Variants in STXBP5L observed in about 807,000 individuals in gnomAD.
STXBP5L encodes syntaxin binding protein 5L.
A neutral mutation model predicts 144.5 loss-of-function variants in STXBP5L; 65 were observed. That is an observed-to-expected ratio of 0.45 (90% CI 0.37 to 0.55). STXBP5L has a LOEUF of 0.55. STXBP5L is among the 20% of genes least tolerant of loss of function. The probability of loss-of-function intolerance (pLI) is 0.00; values close to 1 mark genes in which losing one functional copy is unlikely to be tolerated. For missense variants in STXBP5L, 1,298 were observed against 1,405.5 expected (o/e 0.92, Z 1.22); for synonymous variants, 505 against 469.6 (o/e 1.08, Z -0.97).
intron 20 of STXBP5L, among the ~76,000 whole-genome samples, chr3:121,337,887 T>C (rs752115974): frequency 1.2e-4 from 18 of 152,204 alleles, no homozygotes; most frequent in South Asian, 2.1e-4. Context: ...ATAAAACCAA[T>C]AATTAACACC....
intron 19 of STXBP5L, among the ~76,000 whole-genome samples, chr3:121,302,377 A>C (rs984703249): frequency 2.6e-5 from 4 of 151,962 alleles, no homozygotes; most frequent in African/African-American, 9.7e-5. Flanking sequence ...TTTCTGTGGG[A>C]TTGGTGGTGA....
At chr3:121,210,512 A>G (rs2048519173) in intron 10 of STXBP5L, among the ~76,000 whole-genome samples, 2 of 152,140 alleles carry the variant, frequency 1.3e-5, no homozygotes, top group African/African-American at 4.8e-5. Context: ...GCCCCTGCCT[A>G]TGTCCTGCAT....
rs1454673258 is a variant in STXBP5L, at chr3:121,421,601, T to G, written c.*2504T>G. ...AAAACTGTACAATAAGTATACAATG[T>G]CTTAGCAAGATAAATTATTATACCC... On this transcript the variant is annotated 3_prime_UTR_variant, in exon 27 of 27. Coordinates refer to ENST00000471454, the MANE Select transcript of STXBP5L (RefSeq NM_001308330.2). 1.3e-5 allele frequency: 2 copies of G among 152,246 alleles called. No homozygotes were observed. The highest frequency in any genetic ancestry group is 2.9e-5 in the Non-Finnish European group (2 of 68,044). The allele number at this position is 152,246 out of a possible 1,614,324, so 9.4% of individuals were successfully genotyped here. A position where few individuals can be genotyped will look rare whatever the true frequency, so the allele number is the denominator to read the frequency against.
rs1411635797 is a variant in STXBP5L, at chr3:121,421,833, A to C, written c.*2736A>C. 2 of 152,212 alleles carry C rather than the reference A, an allele frequency of 1.3e-5. No individual in the cohort carries two copies. Among genetic ancestry groups the C allele is most frequent in the Non-Finnish European group, 2.9e-5 (2 of 68,046 alleles). 9.4% of individuals were successfully genotyped at this position (152,212 alleles called of 1,614,324 possible). A position where few individuals can be genotyped will look rare whatever the true frequency, so the allele number is the denominator to read the frequency against. ...TATAATTAGCACACCAATTGGAAGTAAACAGGTGCTTCTCAAATGCTTGAA... is the reference window on the plus strand; with the variant it reads ...TATAATTAGCACACCAATTGGAAGTCAACAGGTGCTTCTCAAATGCTTGAA... On this transcript the variant is annotated 3_prime_UTR_variant, in exon 27 of 27. Transcript: ENST00000471454.
intron 20 of STXBP5L, among the ~76,000 whole-genome samples, chr3:121,353,999 A>G (rs1183879444): frequency 6.6e-6 from 1 of 152,160 alleles, no homozygotes; most frequent in Non-Finnish European, 1.5e-5. Context: ...GTTTTGAGTG[A>G]GTTTCTTAAT....
chr3:121,152,472 T>C lies in STXBP5L; in HGVS notation c.670-5T>C. The C allele has an allele frequency of 6.3e-7, 1 of 1,589,086 alleles. No homozygotes were observed. Among genetic ancestry groups the C allele is most frequent in the Non-Finnish European group, 8.6e-7 (1 of 1,166,906 alleles). On this transcript the variant is annotated splice_region_variant and splice_polypyrimidine_tract_variant and intron_variant, in intron 7 of 26. Coordinates refer to ENST00000471454, the MANE Select transcript of STXBP5L (RefSeq NM_001308330.2). ...TAAGAAAATGATTGTTCTAATGTTT[T>C]CCAGCTGCTAATAGGTTATGAAAAT...
intron 3 of STXBP5L, among the ~76,000 whole-genome samples, chr3:120,977,671 A>G (rs931120893): frequency 1.1e-4 from 16 of 152,104 alleles, no homozygotes; most frequent in Non-Finnish European, 2.4e-4. Flanking sequence ...ATGATTTTGC[A>G]GTGGCTGGTA....
At chr3:120,962,414 CA>C in intron 3 of STXBP5L, among the ~76,000 whole-genome samples, 1 of 152,166 alleles carries the variant, frequency 6.6e-6, no homozygotes, top group African/African-American at 2.4e-5. Context: ...TTTTAGGTCT[CA>C]CATGTAATTC....
In STXBP5L at chr3:121,238,944, C is replaced by T. The variant is rs2108330167; in HGVS notation, c.1185-27C>T. On this transcript the variant is annotated intron_variant, in intron 12 of 26. Transcript: ENST00000471454. ...TTCTGTTTTTTTCTTTGTAAAATAA[C>T]ACTGATATATTGTCTTTATCTATTA... is the stretch of plus-strand genomic sequence containing the variant. The T allele has an allele frequency of 2.0e-6, 3 of 1,507,286 alleles. No homozygotes were observed. In the East Asian group the frequency reaches 7.2e-5, roughly 36 times the overall value. The allele number at this position is 1,507,286 out of a possible 1,614,324, so 93.4% of individuals were successfully genotyped here.
intron 20 of STXBP5L, among the ~76,000 whole-genome samples, chr3:121,350,456 G>C (rs1438838080): frequency 6.6e-6 from 1 of 152,078 alleles, no homozygotes; most frequent in Non-Finnish European, 1.5e-5. Context: ...CTCTTCTCGA[G>C]GAGTATCTTT....
intron 3 of STXBP5L, among the ~76,000 whole-genome samples, chr3:120,966,062 G>A (rs962760118): frequency 6.6e-6 from 1 of 151,806 alleles, no homozygotes; most frequent in Non-Finnish European, 1.5e-5. Flanking sequence ...TCTTCCACTT[G>A]ATCGAATCAG....
chr3:121,414,241 G>A (rs956986639), intron 24 of STXBP5L, among the ~76,000 whole-genome samples: 2 of 152,116 alleles, frequency 1.3e-5, no homozygotes, highest in Non-Finnish European at 2.9e-5. Context: ...CTAGTGTGGA[G>A]AGACAGAAGT....
At chr3:121,351,279 T>C (rs1267334982) in intron 20 of STXBP5L, among the ~76,000 whole-genome samples, 1 of 152,126 alleles carries the variant, frequency 6.6e-6, no homozygotes, top group African/African-American at 2.4e-5. Context: ...CAGCGGATAT[T>C]GGTGAACAGC....
intron 5 of STXBP5L, among the ~76,000 whole-genome samples, chr3:121,064,543 G>C (rs909610052): frequency 6.6e-6 from 1 of 152,202 alleles, no homozygotes; most frequent in Non-Finnish European, 1.5e-5. Context: ...GAACTGACAT[G>C]ACTGTGGGAG....
chr3:121,028,293 C>T (rs1025472434), intron 3 of STXBP5L, among the ~76,000 whole-genome samples: 2 of 151,934 alleles, frequency 1.3e-5, no homozygotes, highest in Non-Finnish European at 2.9e-5. Context: ...CTTTTTCAGG[C>T]TATAGCAGAA....
chr3:121,385,464 T>G (rs1466003682), intron 22 of STXBP5L, among the ~76,000 whole-genome samples: 1 of 152,200 alleles, frequency 6.6e-6, no homozygotes, highest in East Asian at 1.9e-4. Context: ...CCTCATGATC[T>G]AATACGTCCC....
At chr3:121,411,798 C>A (rs933963662) in intron 23 of STXBP5L, among the ~76,000 whole-genome samples, 5 of 152,094 alleles carry the variant, frequency 3.3e-5, no homozygotes, top group Admixed American at 6.6e-5. Flanking sequence ...AAAACCACTT[C>A]ATTTCCAGGC....
At chr3:121,402,108 G>C (rs1048409758) in intron 22 of STXBP5L, among the ~76,000 whole-genome samples, 1 of 152,090 alleles carries the variant, frequency 6.6e-6, no homozygotes, top group Non-Finnish European at 1.5e-5. Flanking sequence ...CTGATCTTGA[G>C]TATATAAGAT....
chr3:121,390,196 C>T (rs2108703674), intron 22 of STXBP5L, among the ~76,000 whole-genome samples: 1 of 152,250 alleles, frequency 6.6e-6, no homozygotes, highest in Non-Finnish European at 1.5e-5. Context: ...TTATCAGAGA[C>T]TAGGATTGCA....
Sources: allele counts gnomAD v4.1 joint callset (sites outside exome capture counted in the v4.1 genomes callset), GRCh38; gene constraint gnomAD v4.1.1; transcripts MANE v1.5; gene names NCBI Gene and HGNC (gene_info 2026-07-23, HGNC 2026-07-21).